The following CLUH variants were observed in gnomAD, a reference collection of about 807,000 sequenced individuals.
CLUH encodes clustered mitochondria protein homolog.
A neutral mutation model predicts 139.3 loss-of-function variants in CLUH; 77 were observed. The ratio of observed to expected loss-of-function variants is 0.55; its 90% confidence interval spans 0.46 to 0.67. The LOEUF (loss-of-function observed/expected upper bound fraction) is 0.67, where lower values mean the gene tolerates loss of function less well. CLUH is among the 30% of genes least tolerant of loss of function. The pLI is 0.00. For missense variants in CLUH, 1,876 were observed against 1,875.8 expected (o/e 1.00, Z 0.00); for synonymous variants, 999 against 801.6 (o/e 1.25, Z -4.16).
At position 2,703,718 on chromosome 17, in the gene CLUH, T is replaced by C. The variant is rs1248101461; in HGVS notation, c.304-229A>G. Among the ~76,000 whole-genome samples, 1 of 152,164 alleles carries C rather than the reference T, an allele frequency of 6.6e-6. No homozygotes were observed. Among genetic ancestry groups the C allele is most frequent in the East Asian group, 1.9e-4 (1 of 5,182 alleles). On this transcript the variant is annotated intron_variant, in intron 2 of 25. Coordinates refer to ENST00000651024, the MANE Select transcript of CLUH (RefSeq NM_001366661.1). This position sits in a 1 kb window ranked among gnomAD's most constrained non-coding sequence, Gnocchi z 4.2. ...ATGTCCACACATGCCATGCCCTGTG[T>C]GTGCAGCCTGGAGCCTGGCCCACCG...
In CLUH at chr17:2,707,135, G is replaced by A. The variant is rs1167828816; in HGVS notation, c.101-2571C>T. 2.1e-5 allele frequency: 20 copies of A among 975,162 alleles called. No homozygotes were observed. The highest frequency in any genetic ancestry group is 1.1e-4 in the East Asian group (1 of 8,770). The allele number at this position is 975,162 out of a possible 1,614,324, so 60.4% of individuals were successfully genotyped here. On this transcript the variant is annotated intron_variant, in intron 1 of 25. Transcript: ENST00000651024. The surrounding 1 kb of genome is among the most constrained non-coding windows in gnomAD (Gnocchi z 7.4). ...GGATGAAGGCTGAGCGATCTCCCCCGCAGGCAGCTGGCTGGCTCACCAGGT... is the reference window on the plus strand; with the variant it reads ...GGATGAAGGCTGAGCGATCTCCCCCACAGGCAGCTGGCTGGCTCACCAGGT...
chr17:2,703,424 G>T lies in CLUH; in HGVS notation c.369C>A (p.His123Gln), dbSNP rs1218655695. 3 of 1,613,690 alleles carry T rather than the reference G, an allele frequency of 1.9e-6. No homozygotes were observed. The highest frequency in any genetic ancestry group is 2.5e-6 in the Non-Finnish European group (3 of 1,179,852). ...CCAGGTGCAGTGAGAAGCAGGTGCG[G>T]TGACACGTGTCCTCCCGGTCCATGA... The part of the protein sequence containing the change: ...QVLMDREDTC[H>Q]RTCFSLHLDG... Residue 123 changes from histidine (H) to glutamine (Q), a missense_variant, in exon 3 of 26, where the codon CAC becomes CAA. His to Gln is a conservative substitution (Grantham distance 24). Around this residue, in one of 3 missense-constraint regions of CLUH, gnomAD observed 270 missense variants for 354.7 expected, o/e 0.76. Transcript: ENST00000651024. The surrounding 1 kb of genome is among the most constrained non-coding windows in gnomAD (Gnocchi z 4.2).
rs969187182 is a variant in CLUH at position 2,701,769 on chromosome 17, G to A, written c.620-32C>T. ...GACCCGAGGCTGGTGGTCAGCACAG[G>A]GCCACCCAGGGCCAGCTGTCTCCCT... is the stretch of plus-strand genomic sequence containing the variant. On this transcript the variant is annotated intron_variant, in intron 4 of 25. Transcript: ENST00000651024. 1.9e-6 allele frequency: 3 copies of A among 1,555,526 alleles called. No individual in the cohort carries two copies. In the African/African-American group the frequency reaches 4.1e-5, roughly 21 times the overall value.
chr17:2,700,879 T>C (rs2070153013), intron 7 of CLUH, 54 bp from the exon 8 acceptor site: 2 of 1,502,128 alleles, frequency 1.3e-6, no homozygotes, highest in Admixed American at 4.6e-5. Context: ...TCAGAGCCCT[T>C]CCACGGGCCC....
Position 2,697,975 on chromosome 17 carries a change from G to A in CLUH, c.1882C>T (p.Arg628Cys), listed in dbSNP as rs771613561. 31 of 1,582,186 alleles carry A rather than the reference G, an allele frequency of 2.0e-5. No homozygotes were observed. The East Asian group carries it at 5.3e-4, about 27-fold the overall frequency. Residue 628 changes from arginine to cysteine, a missense_variant, in exon 10 of 26, where the codon CGC becomes TGC. Transcript: ENST00000651024. ...PGEELPEECA[R>C]AGFPRAHRHK... ...CGGTGGGCGCGGGGGAAGCCGGCGC[G>A]GGCGCATTCCTCAGGCAGCTCCTCG...
chr17:2,696,346 G>A, intron 12 of CLUH, 87 bp from the exon 13 acceptor site: 3 of 1,507,444 alleles, frequency 2.0e-6, no homozygotes, highest in Non-Finnish European at 1.8e-6. Context: ...TCAGATGGGG[G>A]ACAAACCCAC....
At chr17:2,693,084 A>T (rs2069776376) in intron 19 of CLUH, among the ~76,000 whole-genome samples, 1 of 146,532 alleles carries the variant, frequency 6.8e-6, no homozygotes, top group Non-Finnish European at 1.5e-5. Flanking sequence ...CATGTCTTAC[A>T]CCCAACAAAA....
chr17:2,701,906 T>TC lies in CLUH; in HGVS notation c.619+7dup. 7 of 1,613,366 alleles carry TC rather than the reference T, an allele frequency of 4.3e-6. No homozygotes were observed. The highest frequency in any genetic ancestry group is 5.9e-6 in the Non-Finnish European group (7 of 1,179,852). ...TGGCCCAATCCCCGGCCCCAGTGCC[T>TC]CCCGCACCTCCCAGGTCGCCGTCGG... On this transcript the variant is annotated splice_region_variant and intron_variant, in intron 4 of 25. Coordinates refer to ENST00000651024, the MANE Select transcript of CLUH (RefSeq NM_001366661.1).
chr17:2,699,196 C>T (rs982791616), intron 9 of CLUH, among the ~76,000 whole-genome samples: 3 of 152,036 alleles, frequency 2.0e-5, no homozygotes, highest in Non-Finnish European at 2.9e-5. Flanking sequence ...AGGTATTGAC[C>T]TTTACAAGTT....
chr17:2,708,786 C>A (rs183126120), intron 1 of CLUH, among the ~76,000 whole-genome samples: 1 of 151,970 alleles, frequency 6.6e-6, no homozygotes, highest in East Asian at 1.9e-4. Flanking sequence ...AGCCCACCCA[C>A]CCCCTCCCGA....
chr17:2,691,477 G>C, intron 25 of CLUH, 132 bp downstream of exon 25: 2 of 869,110 alleles, frequency 2.3e-6, no homozygotes, highest in Non-Finnish European at 3.7e-6. Context: ...CAGGAGAATC[G>C]CTGAACCCGG....
In CLUH at chr17:2,691,993, C is replaced by A; in HGVS notation, c.3654+11G>T. On this transcript the variant is annotated intron_variant, in intron 23 of 25. Transcript: ENST00000651024. ...CCCCGCCCCCGCCCCCGCCACGCCCCCGCCGCGCACCTGCGTCTTGTAGAT... is the reference window on the plus strand; with the variant it reads ...CCCCGCCCCCGCCCCCGCCACGCCCACGCCGCGCACCTGCGTCTTGTAGAT... 7.3e-7 allele frequency: 1 copy of A among 1,366,930 alleles called. No individual in the cohort carries two copies. The highest frequency in any genetic ancestry group is 1.3e-5 in the South Asian group (1 of 74,162). The allele number at this position is 1,366,930 out of a possible 1,614,324, so 84.7% of individuals were successfully genotyped here.
At position 2,707,676 on chromosome 17, in the gene CLUH, G is replaced by A; in HGVS notation, c.101-3112C>T. 1.0e-6 allele frequency: 1 copy of A among 985,412 alleles called. No individual in the cohort carries two copies. Among genetic ancestry groups the A allele is most frequent in the Non-Finnish European group, 1.2e-6 (1 of 829,912 alleles). The allele number at this position is 985,412 out of a possible 1,614,324, so 61.0% of individuals were successfully genotyped here. On this transcript the variant is annotated intron_variant, in intron 1 of 25. Coordinates refer to ENST00000651024, the MANE Select transcript of CLUH (RefSeq NM_001366661.1). This position sits in a 1 kb window ranked among gnomAD's most constrained non-coding sequence, Gnocchi z 7.4. ...CCTCTCCTCCGCTCCCATCCCAGTG[G>A]GGGTGAACAGGACCGCTTCTGCCAG...
At position 2,704,344 on chromosome 17, in the gene CLUH, C is replaced by A. The variant is rs372687034; in HGVS notation, c.303+18G>T. On this transcript the variant is annotated intron_variant, in intron 2 of 25. Transcript: ENST00000651024. The surrounding 1 kb of genome is among the most constrained non-coding windows in gnomAD (Gnocchi z 5.7). ...GCAGGCTCAGGCCTGGCCCCCAGCA[C>A]CCGTTCCTCCATCTTACCTGCAGGG... 3.1e-6 allele frequency: 5 copies of A among 1,604,640 alleles called. No homozygotes were observed. The South Asian group carries it at 3.4e-5, about 11-fold the overall frequency.
chr17:2,708,177 G>C (rs68129009), intron 1 of CLUH, among the ~76,000 whole-genome samples: 18,000 of 152,152 alleles, frequency 0.12, 1,610 homozygotes, highest in East Asian at 0.39. Flanking sequence ...CAGGGTGGGC[G>C]GGAGCCAGGC....
intron 1 of CLUH, among the ~76,000 whole-genome samples, chr17:2,708,862 G>GC (rs748100767): frequency 6.3e-5 from 3 of 47,898 alleles, no homozygotes; most frequent in African/African-American, 2.6e-4. Flanking sequence ...CCTCTACTCG[G>GC]GGGGGGGGGA....
At position 2,694,474 on chromosome 17, in the gene CLUH, G is replaced by A. The variant is rs770079984; in HGVS notation, c.2937+6C>T. On this transcript the variant is annotated splice_donor_region_variant and intron_variant, in intron 17 of 25. Coordinates refer to ENST00000651024, the MANE Select transcript of CLUH (RefSeq NM_001366661.1). ...ACACAGCGGGGATGCTGTGAGCCAT[G>A]CCCACCTGGATCCCTGTTTTCAGCG... The A allele has an allele frequency of 5.7e-6, 9 of 1,571,428 alleles. 1 individual carries two copies. In the South Asian group the frequency reaches 8.2e-5, roughly 14 times the overall value.
In CLUH at chr17:2,704,497, GGCC is replaced by G. The variant is rs1268233296; in HGVS notation, c.165_167del (p.Ala56del). ...CAAGCCCATTTTCCCTGGGTGGCTC[GGCC>G]GCCGCCGCCTCCTTCTTCAGGCTCT... On this transcript the variant is annotated inframe_deletion, in exon 2 of 26. Transcript: ENST00000651024. The surrounding 1 kb of genome is among the most constrained non-coding windows in gnomAD (Gnocchi z 5.7). 3.1e-6 allele frequency: 5 copies of G among 1,587,608 alleles called. No homozygotes were observed. The highest frequency in any genetic ancestry group is 1.1e-5 in the South Asian group (1 of 87,188).
Position 2,692,869 on chromosome 17 carries a change from A to G in CLUH, c.3232-9T>C. The G allele has an allele frequency of 6.3e-7, 1 of 1,577,944 alleles. No homozygotes were observed. Among genetic ancestry groups the G allele is most frequent in the Non-Finnish European group, 8.6e-7 (1 of 1,159,676 alleles). ...TGCTGGTTACTCAGGGCCTGGGGAG[A>G]GACAGTGGTGGTTGCCGCGGCGTGG... On this transcript the variant is annotated splice_polypyrimidine_tract_variant and intron_variant, in intron 19 of 25. Transcript: ENST00000651024.
Sources: allele counts gnomAD v4.1 joint callset (sites outside exome capture counted in the v4.1 genomes callset), GRCh38; gene constraint gnomAD v4.1.1; regional missense constraint gnomAD v4.1.1; non-coding constraint Gnocchi (gnomAD v3.1); transcripts MANE v1.5; gene names NCBI Gene and HGNC (gene_info 2026-07-23, HGNC 2026-07-21).